VTI1A: variants seen among roughly 807,000 people sequenced by gnomAD.
VTI1A encodes the protein vesicle transport through interaction with t-SNAREs homolog 1A.
VTI1A carries 22 observed loss-of-function variants against 34.9 expected under a neutral mutation model. The ratio of observed to expected loss-of-function variants is 0.63; its 90% CI spans 0.45 to 0.90. VTI1A has a LOEUF of 0.90. Among genes scored for constraint, VTI1A ranks in the 40% least tolerant of loss-of-function variants. The probability of loss-of-function intolerance (pLI) is 0.00; values close to 1 mark genes in which losing one functional copy is unlikely to be tolerated. For missense variants in VTI1A, 268 were observed against 275.6 expected, an observed-to-expected ratio of 0.97 and a Z score of 0.20; for synonymous variants, 87 against 97.3, an observed-to-expected ratio of 0.89 and a Z score of 0.62.
intron 7 of VTI1A, among the ~76,000 whole-genome samples, chr10:112,689,485 T>C (rs1848539251): frequency 6.6e-6 from 1 of 151,998 alleles, no homozygotes; most frequent in Non-Finnish European, 1.5e-5. Flanking sequence ...GGTGCCCTGG[T>C]AGGAGGTGCT....
intron 7 of VTI1A, among the ~76,000 whole-genome samples, chr10:112,721,416 C>A: frequency 6.6e-6 from 1 of 152,214 alleles, no homozygotes; most frequent in Non-Finnish European, 1.5e-5. Flanking sequence ...CCTTAAGGCA[C>A]CAATAACAGA....
At chr10:112,830,850 T>TATATATATATATATA in the VTI1A span, among the ~76,000 whole-genome samples, 83 of 29,676 alleles carry the variant, frequency 2.8e-3, no homozygotes, top group African/African-American at 9.0e-3. Flanking sequence ...TATATATATA[T>TATATATATATATATA]TTTTTTTTTT....
At chr10:112,632,333 TA>T (rs1846159084) in intron 5 of VTI1A, among the ~76,000 whole-genome samples, 1 of 152,210 alleles carries the variant, frequency 6.6e-6, no homozygotes, top group African/African-American at 2.4e-5. Context: ...GGCTTGAACG[TA>T]TGTGGAGTTT....
In VTI1A at chr10:112,586,904, T is replaced by C. The variant is rs577464825; in HGVS notation, c.427+48574T>C. On this transcript the variant is annotated intron_variant, in intron 5 of 7. Transcript: ENST00000393077. ...GGCCAGTGGTTTTGAGCAGCAAACA[T>C]GTTTCATTCTTTCATGGACCTTGAA... is the stretch of plus-strand genomic sequence containing the variant. 1.6e-4 allele frequency among the ~76,000 whole-genome samples: 24 copies of C among 152,358 alleles called. 1 individual carries two copies. In the East Asian group the frequency reaches 4.4e-3, roughly 28 times the overall value.
intron 5 of VTI1A, among the ~76,000 whole-genome samples, chr10:112,587,220 G>A (rs898946657): frequency 1.3e-5 from 2 of 152,016 alleles, no homozygotes; most frequent in South Asian, 2.1e-4. Flanking sequence ...CCAAGGTTTC[G>A]TAGCTCTATA....
At chr10:112,628,064 TA>T (rs1295768198) in intron 5 of VTI1A, among the ~76,000 whole-genome samples, 1 of 152,134 alleles carries the variant, frequency 6.6e-6, no homozygotes, top group African/African-American at 2.4e-5. Flanking sequence ...TTTTAAAAAA[TA>T]AAATTCTATT....
At position 112,641,581 on chromosome 10, in the gene VTI1A, A is replaced by G. The variant is rs564930517; in HGVS notation, c.428-26637A>G. Reference sequence around the variant, plus strand: ...ATCTCAGGCAGAAACTCCCAACAGCAGTTGGCAAGGGTCCCAGCATCAATT... The same window carrying G: ...ATCTCAGGCAGAAACTCCCAACAGCGGTTGGCAAGGGTCCCAGCATCAATT... On this transcript the variant is annotated intron_variant, in intron 5 of 7. Transcript: ENST00000393077. 2.0e-5 allele frequency among the ~76,000 whole-genome samples: 3 copies of G among 152,274 alleles called. No homozygotes were observed. In the South Asian group the frequency reaches 6.2e-4, roughly 32 times the overall value.
At chr10:112,791,773 T>C (rs1852487955) in intron 7 of VTI1A, among the ~76,000 whole-genome samples, 1 of 152,084 alleles carries the variant, frequency 6.6e-6, no homozygotes, top group Non-Finnish European at 1.5e-5. Context: ...CTGATCACTG[T>C]TCTGAGTCTG....
At chr10:112,454,573 G>C (rs534498000) in intron 1 of VTI1A, among the ~76,000 whole-genome samples, 1 of 152,270 alleles carries the variant, frequency 6.6e-6, no homozygotes, top group South Asian at 2.1e-4. Context: ...CTGCACTCTA[G>C]CCTGGGTGAC....
intron 7 of VTI1A, among the ~76,000 whole-genome samples, chr10:112,714,545 G>A (rs1266693074): frequency 2.0e-5 from 3 of 152,200 alleles, no homozygotes; most frequent in Non-Finnish European, 4.4e-5. Flanking sequence ...TGCCTCTTCT[G>A]AGCTGGGTAG....
At chr10:112,611,941 C>T (rs933326750) in intron 5 of VTI1A, among the ~76,000 whole-genome samples, 5 of 151,752 alleles carry the variant, frequency 3.3e-5, no homozygotes, top group African/African-American at 9.7e-5. Flanking sequence ...CAGGGTTTCA[C>T]CATGTTAGCC....
At chr10:112,696,444 G>T (rs1449573989) in intron 7 of VTI1A, among the ~76,000 whole-genome samples, 1 of 152,088 alleles carries the variant, frequency 6.6e-6, no homozygotes, top group Non-Finnish European at 1.5e-5. Flanking sequence ...CAGATTTCAG[G>T]ATGTGTTTAC....
Position 112,464,576 on chromosome 10 carries a change from G to A in VTI1A, c.183G>A (p.Glu61=), listed in dbSNP as rs771731560. The A allele has an allele frequency of 1.2e-6, 2 of 1,612,890 alleles. No homozygotes were observed. The highest frequency in any genetic ancestry group is 1.7e-6 in the Non-Finnish European group (2 of 1,179,184). ...LLEQMDLEVR[E]IPPQSRGMYS... is the part of the protein sequence containing the mutation. Reference sequence around the variant, plus strand: ...AACAGATGGATTTGGAAGTCCGAGAGATACCACCCCAAAGTCGAGGGATGT... The same window carrying A: ...AACAGATGGATTTGGAAGTCCGAGAAATACCACCCCAAAGTCGAGGGATGT... The change falls in exon 3 of 8, where the codon GAG becomes GAA. Residue 61 remains glutamate, a synonymous_variant. Transcript: ENST00000393077.
chr10:112,491,884 A>C (rs1848836377), intron 3 of VTI1A, among the ~76,000 whole-genome samples: 1 of 152,220 alleles, frequency 6.6e-6, no homozygotes, highest in Non-Finnish European at 1.5e-5. Flanking sequence ...AAGGTTCCTA[A>C]GCCTCCGCCT....
rs1024212503 is a variant in VTI1A at position 112,767,490 on chromosome 10, A to T, written c.561-47800A>T. ...CCGAATATGAAGTAAAATCTGTCAG[A>T]TTAAAAGCACAAGGAGAGAAACCAT... On this transcript the variant is annotated intron_variant, in intron 7 of 7. Coordinates refer to ENST00000393077, the MANE Select transcript of VTI1A (RefSeq NM_145206.4). The surrounding 1 kb of genome is among the most constrained non-coding windows in gnomAD (Gnocchi z 4.0). Among the ~76,000 whole-genome samples, 5 of 152,252 alleles carry T rather than the reference A, an allele frequency of 3.3e-5. 1 individual carries two copies. The highest frequency in any genetic ancestry group is 2.6e-4 in the Admixed American group (4 of 15,292).
intron 5 of VTI1A, among the ~76,000 whole-genome samples, chr10:112,583,893 C>T (rs1313529477): frequency 6.6e-6 from 1 of 152,184 alleles, no homozygotes; most frequent in African/African-American, 2.4e-5. Flanking sequence ...AGACGAGTTA[C>T]GTTGGTGCAC....
chr10:112,715,891 C>G (rs953906491), intron 7 of VTI1A, among the ~76,000 whole-genome samples: 1 of 152,132 alleles, frequency 6.6e-6, no homozygotes, highest in African/African-American at 2.4e-5. Flanking sequence ...GTTGCTAACC[C>G]CAGGGAAGAG....
At chr10:112,855,337 T>C in the VTI1A span, among the ~76,000 whole-genome samples, 1 of 152,196 alleles carries the variant, frequency 6.6e-6, no homozygotes, top group Non-Finnish European at 1.5e-5. Context: ...GGGTTCCTAA[T>C]TGGCTTTCCA....
Position 112,739,348 on chromosome 10 carries a change from C to T in VTI1A, c.560+70350C>T, listed in dbSNP as rs570783985. Among the ~76,000 whole-genome samples the T allele has an allele frequency of 1.1e-3, 174 of 152,282 alleles. 1 individual carries two copies. Among genetic ancestry groups the T allele is most frequent in the African/African-American group, 3.8e-3 (158 of 41,560 alleles). On this transcript the variant is annotated intron_variant, in intron 7 of 7. Transcript: ENST00000393077. ...TGAGGATGTCCATGGTCCCCATTTT[C>T]CCCAGTCTATCATGCCTTAGACAGA...
Sources: allele counts gnomAD v4.1 joint callset (sites outside exome capture counted in the v4.1 genomes callset), GRCh38; gene constraint gnomAD v4.1.1; non-coding constraint Gnocchi (gnomAD v3.1); transcripts MANE v1.5; gene names NCBI Gene and HGNC (gene_info 2026-07-23, HGNC 2026-07-21).